Variants in ATP1A2 observed in about 807,000 individuals in gnomAD.
The protein encoded by ATP1A2 is ATPase Na+/K+ transporting subunit alpha 2, also known as sodium/potassium-transporting ATPase subunit alpha-2.
In ATP1A2, 56 loss-of-function variants were observed where a neutral mutation model predicts 113.1. The ratio of observed to expected loss-of-function variants is 0.49; its 90% CI spans 0.40 to 0.62. ATP1A2 has a LOEUF of 0.62. Among genes scored for constraint, ATP1A2 ranks in the 20% least tolerant of loss-of-function variants. The pLI is 0.00. For missense variants in ATP1A2, 712 were observed against 1,357.8 expected, an observed-to-expected ratio of 0.52 and a Z score of 7.47; for synonymous variants, 490 against 526.8, an observed-to-expected ratio of 0.93 and a Z score of 0.96.
intron 1 of ATP1A2, among the ~76,000 whole-genome samples, chr1:160,117,178 G>A (rs1016732): frequency 0.17 from 25,401 of 152,076 alleles, 2,407 homozygotes; most frequent in East Asian, 0.3. Flanking sequence ...CGGAGGAAGA[G>A]GTCATAGCTG....
intron 20 of ATP1A2, among the ~76,000 whole-genome samples, chr1:160,138,329 C>A (rs4656882): frequency 1 from 152,192 of 152,410 alleles, 75,987 homozygotes; most frequent in Non-Finnish European, 1. Context: ...CATATCATGA[C>A]GTGGTGATCG....
At chr1:160,130,325 A>G in intron 12 of ATP1A2, 34 bp downstream of exon 12, 5 of 1,613,980 alleles carry the variant, frequency 3.1e-6, no homozygotes, top group Non-Finnish European at 4.2e-6. Flanking sequence ...TCAGAAGGGG[A>G]TTCCCAAGCC....
chr1:160,126,637 AT>A, intron 7 of ATP1A2, among the ~76,000 whole-genome samples: 1 of 152,030 alleles, frequency 6.6e-6, no homozygotes, highest in South Asian at 2.1e-4. Flanking sequence ...CCCAGCTAAT[AT>A]ATATATATGT....
At chr1:160,134,128 T>TAC (rs145239662) in intron 13 of ATP1A2, among the ~76,000 whole-genome samples, 1,323 of 59,708 alleles carry the variant, frequency 0.022, 30 homozygotes, top group African/African-American at 0.078. Flanking sequence ...CCACCCCACA[T>TAC]ACACACACAC....
chr1:160,141,325 C>T lies in ATP1A2; in HGVS notation c.*3C>T, dbSNP rs770500778. On this transcript the variant is annotated 3_prime_UTR_variant, in exon 23 of 23. Transcript: ENST00000361216. ...TGGAGAAGGAGACATACTACTGACCCCATTGGAAGAAGAACCAGGCATGGA... is the reference window on the plus strand; with the variant it reads ...TGGAGAAGGAGACATACTACTGACCTCATTGGAAGAAGAACCAGGCATGGA... 2 of 1,614,026 alleles carry T rather than the reference C, an allele frequency of 1.2e-6. No homozygotes were observed. The highest frequency in any genetic ancestry group is 1.7e-6 in the Non-Finnish European group (2 of 1,179,944).
At chr1:160,119,827 TAA>T (rs5778150) in intron 1 of ATP1A2, among the ~76,000 whole-genome samples, 583 of 134,558 alleles carry the variant, frequency 4.3e-3, no homozygotes, top group Non-Finnish European at 5.4e-3. Context: ...ACCTTATATC[TAA>T]AAAAAAAAAA....
In ATP1A2 at chr1:160,143,383, T is replaced by C. The variant is rs906005838; in HGVS notation, c.*2061T>C. 7 of 152,650 alleles carry C rather than the reference T, an allele frequency of 4.6e-5. No homozygotes were observed. Among genetic ancestry groups the C allele is most frequent in the Non-Finnish European group, 1.0e-4 (7 of 68,028 alleles). 9.5% of individuals were successfully genotyped at this position (152,650 alleles called of 1,614,324 possible). On this transcript the variant is annotated 3_prime_UTR_variant, in exon 23 of 23. Transcript: ENST00000361216. The stretch of plus-strand genomic sequence containing the variant: ...AAACAATATTGCTAGAGGTGGCATG[T>C]TTAGTCTACCAAAAACAATACTTTT...
At position 160,136,462 on chromosome 1, in the gene ATP1A2, G is replaced by T. The variant is rs919848572; in HGVS notation, c.2563+92G>T. ...GAGCCCCAAGCAAAATTCCAGGACAGAGGCCAGCTACCCAAGGGTCAGGGA... is the reference window on the plus strand; with the variant it reads ...GAGCCCCAAGCAAAATTCCAGGACATAGGCCAGCTACCCAAGGGTCAGGGA... On this transcript the variant is annotated intron_variant, in intron 18 of 22. Coordinates refer to ENST00000361216, the MANE Select transcript of ATP1A2 (RefSeq NM_000702.4). 1.1e-5 allele frequency: 18 copies of T among 1,612,370 alleles called. No homozygotes were observed. In the African/African-American group the frequency reaches 2.4e-4, roughly 22 times the overall value.
intron 20 of ATP1A2, 93 bp from the exon 21 acceptor site, chr1:160,139,547 C>G: frequency 7.6e-6 from 8 of 1,052,034 alleles, no homozygotes; most frequent in Non-Finnish European, 1.0e-5. Context: ...GTTTAGAATT[C>G]TCTCTCCTCT....
At chr1:160,131,665 A>G (rs975936444) in intron 13 of ATP1A2, among the ~76,000 whole-genome samples, 1 of 150,856 alleles carries the variant, frequency 6.6e-6, no homozygotes, top group Non-Finnish European at 1.5e-5. Flanking sequence ...GTCTCTACTG[A>G]AAAAAAAATA....
chr1:160,137,038 G>C lies in ATP1A2; in HGVS notation c.2840+7G>C. Reference sequence around the variant, plus strand: ...TCTTCCAGCAGGGCATGAAGTGAGTGCCCACCCCCATGGCACCTACCCACC... The same window carrying C: ...TCTTCCAGCAGGGCATGAAGTGAGTCCCCACCCCCATGGCACCTACCCACC... On this transcript the variant is annotated splice_region_variant and intron_variant, in intron 20 of 22. Transcript: ENST00000361216. 6.2e-7 allele frequency: 1 copy of C among 1,614,094 alleles called. No homozygotes were observed. The highest frequency in any genetic ancestry group is 1.7e-4 in the Middle Eastern group (1 of 6,024).
At chr1:160,140,105 G>C in intron 22 of ATP1A2, 121 bp downstream of exon 22, 2 of 1,025,260 alleles carry the variant, frequency 2.0e-6, no homozygotes, top group South Asian at 2.6e-5. Flanking sequence ...AACACCCTCA[G>C]ATCCTGGGGT....
At chr1:160,137,392 C>T (rs540283900) in intron 20 of ATP1A2, among the ~76,000 whole-genome samples, 2 of 152,290 alleles carry the variant, frequency 1.3e-5, no homozygotes, top group Admixed American at 1.3e-4. Flanking sequence ...GTTTATAGCA[C>T]TTGCACTGTG....
chr1:160,132,287 G>A (rs765920722), intron 13 of ATP1A2, among the ~76,000 whole-genome samples: 1 of 152,268 alleles, frequency 6.6e-6, no homozygotes, highest in Non-Finnish European at 1.5e-5. Context: ...AGAGCCAGTT[G>A]GAAGGACTTG....
chr1:160,133,741 G>A (rs1421837565), intron 13 of ATP1A2, among the ~76,000 whole-genome samples: 1 of 151,962 alleles, frequency 6.6e-6, no homozygotes, highest in African/African-American at 2.4e-5. Context: ...TCTAAGCCTT[G>A]GTTTCCTCAT....
Position 160,132,407 on chromosome 1 carries a change from G to A in ATP1A2, c.1827+1810G>A, listed in dbSNP as rs570621997. Among the ~76,000 whole-genome samples, 9 of 152,272 alleles carry A rather than the reference G, an allele frequency of 5.9e-5. No homozygotes were observed. In the South Asian group the frequency reaches 8.3e-4, roughly 14 times the overall value. ...CCTGGTTTGAGGAGGGACTGGATTT[G>A]GGGAAGAACTGGAGTCAGGGAGAGA... On this transcript the variant is annotated intron_variant, in intron 13 of 22. Coordinates refer to ENST00000361216, the MANE Select transcript of ATP1A2 (RefSeq NM_000702.4).
rs762067275 is a variant in ATP1A2, at chr1:160,135,107, CCAGGGGTCAGCTGTCTCTGTCCCCA to C, written c.1965-36_1965-12del. 59 of 1,613,322 alleles carry C rather than the reference CCAGGGGTCAGCTGTCTCTGTCCCCA, an allele frequency of 3.7e-5. No homozygotes were observed. The South Asian group carries it at 6.5e-4, about 18-fold the overall frequency. On this transcript the variant is annotated splice_polypyrimidine_tract_variant and intron_variant, in intron 14 of 22. Coordinates refer to ENST00000361216, the MANE Select transcript of ATP1A2 (RefSeq NM_000702.4). The surrounding 1 kb of genome is among the most constrained non-coding windows in gnomAD (Gnocchi z 6.3). ...GGGGCAGGAGGGGCTGGTACAGGTG[CCAGGGGTCAGCTGTCTCTGTCCCCA>C]CCCACCCTCCAGAGAAGCCAAGGCA... is the stretch of plus-strand genomic sequence containing the variant.
At chr1:160,122,537 T>C (rs770923634) in intron 3 of ATP1A2, among the ~76,000 whole-genome samples, 1 of 151,792 alleles carries the variant, frequency 6.6e-6, no homozygotes, top group Non-Finnish European at 1.5e-5. Context: ...GAATCAAGTA[T>C]AGAACACCAT....
rs1372146143 is a variant in ATP1A2 at position 160,134,468 on chromosome 1, C to T, written c.1828-16C>T. 3 of 1,614,204 alleles carry T rather than the reference C, an allele frequency of 1.9e-6. No homozygotes were observed. Among genetic ancestry groups the T allele is most frequent in the African/African-American group, 1.3e-5 (1 of 75,048 alleles). On this transcript the variant is annotated splice_polypyrimidine_tract_variant and intron_variant, in intron 13 of 22. Transcript: ENST00000361216. ...CTTAATACTACTTTCCTGTTGTCTCCTCTCCTTCCCACTAGGTGATCATGG... is the reference window on the plus strand; with the variant it reads ...CTTAATACTACTTTCCTGTTGTCTCTTCTCCTTCCCACTAGGTGATCATGG...
Sources: allele counts gnomAD v4.1 joint callset (sites outside exome capture counted in the v4.1 genomes callset), GRCh38; gene constraint gnomAD v4.1.1; non-coding constraint Gnocchi (gnomAD v3.1); transcripts MANE v1.5; gene names NCBI Gene and HGNC (gene_info 2026-07-23, HGNC 2026-07-21).